The following MAF variants were observed in gnomAD, a reference collection of about 807,000 sequenced individuals.
The protein encoded by MAF is transcription factor Maf.
A neutral mutation model predicts 22.0 loss-of-function variants in MAF; 10 were observed. The ratio of observed to expected loss-of-function variants is 0.45; its 90% CI spans 0.28 to 0.77. The LOEUF (loss-of-function observed/expected upper bound fraction) is 0.77. Ranked by LOEUF, MAF falls within the 30% of genes least tolerant of loss-of-function variation. MAF has a pLI of 0.12. For missense variants in MAF, 544 were observed against 548.4 expected (o/e 0.99, Z 0.08); for synonymous variants, 337 against 255.8 (o/e 1.32, Z -3.03).
the MAF span, among the ~76,000 whole-genome samples, chr16:79,296,414 G>A: frequency 6.6e-6 from 1 of 152,292 alleles, no homozygotes; most frequent in African/African-American, 2.4e-5. Context: ...GCTAATGCAT[G>A]CGGGGTGTAG....
At chr16:79,209,169 C>T in the MAF span, among the ~76,000 whole-genome samples, 1 of 152,166 alleles carries the variant, frequency 6.6e-6, no homozygotes, top group South Asian at 2.1e-4. Flanking sequence ...GTATGGCTCT[C>T]AGCATTGTAG....
the MAF span, among the ~76,000 whole-genome samples, chr16:79,297,414 A>G: frequency 6.6e-6 from 1 of 152,168 alleles, no homozygotes; most frequent in Non-Finnish European, 1.5e-5. Context: ...ACAGGGATGG[A>G]TAAGGAAGTG....
the MAF span, among the ~76,000 whole-genome samples, chr16:79,341,115 C>T: frequency 6.6e-6 from 1 of 151,990 alleles, no homozygotes; most frequent in Non-Finnish European, 1.5e-5. Flanking sequence ...AGTGTAGGGG[C>T]AGGTGTGGGC....
the MAF span, among the ~76,000 whole-genome samples, chr16:79,235,493 G>C: frequency 6.6e-6 from 1 of 151,956 alleles, no homozygotes; most frequent in Non-Finnish European, 1.5e-5. Context: ...TTGAGCCCAG[G>C]AGTTTGAGGG....
chr16:79,459,656 T>G, the MAF span, among the ~76,000 whole-genome samples: 222 of 152,006 alleles, frequency 1.5e-3, 2 homozygotes, highest in African/African-American at 5.1e-3. Context: ...CATTGCAGCC[T>G]CGACTTCCTG....
the MAF span, among the ~76,000 whole-genome samples, chr16:79,214,048 G>A: frequency 1.4e-4 from 22 of 152,046 alleles, no homozygotes; most frequent in African/African-American, 5.3e-4. Context: ...TGTTTCCTCT[G>A]CTGAAATGCT....
At position 79,599,618 on chromosome 16, in the gene MAF, G is replaced by T. The variant is rs369752568; in HGVS notation, c.285C>A (p.Thr95=). 3.9e-4 allele frequency: 631 copies of T among 1,610,840 alleles called. No homozygotes were observed. The highest frequency in any genetic ancestry group is 5.2e-4 in the Non-Finnish European group (615 of 1,179,278). ...CGGGGTTCAGCTGCTGCGGGTAGCC[G>T]GTCATCCAGTAGTAGTCTTCCAGGT... is the stretch of plus-strand genomic sequence containing the variant. The part of the protein sequence containing the change: ...KAHLEDYYWM[T]GYPQQLNPEA... The change falls in exon 1 of 2, where the codon ACC becomes ACA. Residue 95 remains threonine, a synonymous_variant. Transcript: ENST00000326043.
At chr16:79,352,997 G>A in the MAF span, among the ~76,000 whole-genome samples, 11 of 152,048 alleles carry the variant, frequency 7.2e-5, no homozygotes, top group South Asian at 8.3e-4. Flanking sequence ...GGCTTATAAC[G>A]AATGTCAAGG....
the MAF span, among the ~76,000 whole-genome samples, chr16:79,493,394 C>T: frequency 6.6e-6 from 1 of 152,172 alleles, no homozygotes; most frequent in East Asian, 1.9e-4. Context: ...CTTGGCCAGG[C>T]TGCTCTTGAA....
intron 1 of MAF, chr16:79,595,413 C>CT (rs1200839984): frequency 1.9e-6 from 2 of 1,053,952 alleles, no homozygotes; most frequent in African/African-American, 1.7e-5. Flanking sequence ...GCAATATTAT[C>CT]TTTTTTTCTT....
At chr16:79,329,993 G>T in the MAF span, among the ~76,000 whole-genome samples, 1 of 151,892 alleles carries the variant, frequency 6.6e-6, no homozygotes, top group Non-Finnish European at 1.5e-5. Context: ...ATTAGGAAAT[G>T]AGCAACTAAT....
At chr16:79,219,104 G>A in the MAF span, among the ~76,000 whole-genome samples, 1 of 152,170 alleles carries the variant, frequency 6.6e-6, no homozygotes, top group African/African-American at 2.4e-5. Flanking sequence ...TGCATCTTAG[G>A]CGTGAGAGAA....
the MAF span, among the ~76,000 whole-genome samples, chr16:79,372,635 C>T: frequency 6.6e-6 from 1 of 152,268 alleles, no homozygotes; most frequent in South Asian, 2.1e-4. Context: ...TGCGGTCTGG[C>T]GGGTGAGCCC....
chr16:79,494,032 G>A, the MAF span, among the ~76,000 whole-genome samples: 2 of 151,948 alleles, frequency 1.3e-5, no homozygotes, highest in African/African-American at 4.8e-5. Flanking sequence ...CAGCAAATGA[G>A]AAATCTCTCC....
At chr16:79,404,126 G>A in the MAF span, among the ~76,000 whole-genome samples, 8 of 149,734 alleles carry the variant, frequency 5.3e-5, no homozygotes, top group East Asian at 1.4e-3. Context: ...TGTCCGATTT[G>A]TAGGAGCCCT....
the MAF span, among the ~76,000 whole-genome samples, chr16:79,228,089 G>C: frequency 6.6e-6 from 1 of 152,032 alleles, no homozygotes; most frequent in Non-Finnish European, 1.5e-5. Flanking sequence ...TTTTTGTAGA[G>C]ATAAGGTCTT....
the MAF span, among the ~76,000 whole-genome samples, chr16:79,322,456 G>T: frequency 6.6e-6 from 1 of 152,030 alleles, no homozygotes; most frequent in South Asian, 2.1e-4. Flanking sequence ...AGTTTGCTGC[G>T]TAAAAAGGCA....
chr16:79,465,478 G>A, the MAF span, among the ~76,000 whole-genome samples: 12 of 152,060 alleles, frequency 7.9e-5, no homozygotes, highest in East Asian at 1.9e-3. Context: ...CTGTAGTCCC[G>A]GCTACTCGGG....
At chr16:79,264,160 T>C in the MAF span, among the ~76,000 whole-genome samples, 1 of 152,160 alleles carries the variant, frequency 6.6e-6, no homozygotes, top group African/African-American at 2.4e-5. Context: ...GATCATATTG[T>C]AGGATCACAT....
Sources: allele counts gnomAD v4.1 joint callset (sites outside exome capture counted in the v4.1 genomes callset), GRCh38; gene constraint gnomAD v4.1.1; transcripts MANE v1.5; gene names NCBI Gene and HGNC (gene_info 2026-07-23, HGNC 2026-07-21).